The following IQGAP1 variants were observed in gnomAD, a reference collection of about 807,000 sequenced individuals.
IQGAP1 encodes ras GTPase-activating-like protein IQGAP1.
Under a neutral mutation model 215.6 loss-of-function variants are expected in IQGAP1, and 66 were observed. The ratio of observed to expected loss-of-function variants is 0.31; its 90% CI spans 0.25 to 0.38. IQGAP1 has a LOEUF of 0.38. Ranked by LOEUF, IQGAP1 falls within the 10% of genes least tolerant of loss-of-function variation. The pLI is 1.00. For missense variants in IQGAP1, 1,712 were observed against 1,997.1 expected, an observed-to-expected ratio of 0.86 and a Z score of 2.72; for synonymous variants, 772 against 728.7, an observed-to-expected ratio of 1.06 and a Z score of -0.96.
intron 15 of IQGAP1, among the ~76,000 whole-genome samples, chr15:90,457,455 C>G (rs561984625): frequency 1.3e-5 from 2 of 151,202 alleles, no homozygotes; most frequent in Non-Finnish European, 2.9e-5. Context: ...GAGACGGAGT[C>G]TTGCTCTGTC....
rs1425364390 is a variant in IQGAP1, at chr15:90,500,516, AATAC to A, written c.*414_*417del. On this transcript the variant is annotated 3_prime_UTR_variant, in exon 38 of 38. Coordinates refer to ENST00000268182, the MANE Select transcript of IQGAP1 (RefSeq NM_003870.4). Reference sequence around the variant, plus strand: ...GGAAGCTATTAGCACCAATGACATAAATACATACAAGACACACAACTAAAATGTC... The same window carrying A: ...GGAAGCTATTAGCACCAATGACATAAATACAAGACACACAACTAAAATGTC... The A allele has an allele frequency of 6.3e-6, 1 of 158,432 alleles. No homozygotes were observed. The highest frequency in any genetic ancestry group is 1.4e-5 in the Non-Finnish European group (1 of 71,538). 9.8% of individuals were successfully genotyped at this position (158,432 alleles called of 1,614,324 possible).
intron 36 of IQGAP1, chr15:90,496,993 T>C: frequency 2.9e-6 from 1 of 339,370 alleles, no homozygotes; most frequent in Non-Finnish European, 5.4e-6. Flanking sequence ...TGGTTCCTCT[T>C]TGATAGGATG....
chr15:90,400,622 C>A (rs966881654), intron 2 of IQGAP1, among the ~76,000 whole-genome samples: 3 of 152,172 alleles, frequency 2.0e-5, no homozygotes, highest in Admixed American at 1.3e-4. Context: ...GGATTGTCCA[C>A]CAGTCAAGGT....
chr15:90,438,675 G>A (rs1442469548), intron 5 of IQGAP1, among the ~76,000 whole-genome samples: 3 of 151,874 alleles, frequency 2.0e-5, no homozygotes, highest in Non-Finnish European at 2.9e-5. Flanking sequence ...ATTGATTACA[G>A]GAAGGCAAAC....
At chr15:90,474,951 A>C in intron 23 of IQGAP1, 1 of 431,836 alleles carries the variant, frequency 2.3e-6, no homozygotes, top group Non-Finnish European at 4.2e-6. Flanking sequence ...CTGGGATTAC[A>C]GGCACGTGAC....
intron 2 of IQGAP1, among the ~76,000 whole-genome samples, chr15:90,417,726 G>A: frequency 6.6e-6 from 1 of 152,322 alleles, no homozygotes; most frequent in Admixed American, 6.5e-5. Context: ...GAACTTTAAA[G>A]TAGTTTTTTC....
Position 90,497,227 on chromosome 15 carries a change from A to G in IQGAP1, c.4752-5A>G, listed in dbSNP as rs769252276. ...CCATACCCTTACGATGTTATCTTTCAACAGGTTTAAAAATGTTATATTTGA... is the reference window on the plus strand; with the variant it reads ...CCATACCCTTACGATGTTATCTTTCGACAGGTTTAAAAATGTTATATTTGA... On this transcript the variant is annotated splice_region_variant and splice_polypyrimidine_tract_variant and intron_variant, in intron 36 of 37. Coordinates refer to ENST00000268182, the MANE Select transcript of IQGAP1 (RefSeq NM_003870.4). 10 of 1,477,806 alleles carry G rather than the reference A, an allele frequency of 6.8e-6. No homozygotes were observed. The highest frequency in any genetic ancestry group is 1.2e-5 in the South Asian group (1 of 86,844). 91.5% of individuals were successfully genotyped at this position (1,477,806 alleles called of 1,614,324 possible). A position where few individuals can be genotyped will look rare whatever the true frequency, so the allele number is the denominator to read the frequency against.
In IQGAP1 at chr15:90,396,117, A is replaced by G. The variant is rs1017544670; in HGVS notation, c.155+5244A>G. On this transcript the variant is annotated intron_variant, in intron 2 of 37. Transcript: ENST00000268182. ...ACTTTCTGTAATTTAGAGGAATTGA[A>G]AAGGTATCTTGGAAAGAAATTAGTT... is the stretch of plus-strand genomic sequence containing the variant. Among the ~76,000 whole-genome samples, 5 of 152,202 alleles carry G rather than the reference A, an allele frequency of 3.3e-5. No individual in the cohort carries two copies. The East Asian group carries it at 5.8e-4, about 18-fold the overall frequency.
rs371026931 is a variant in IQGAP1 at position 90,454,907 on chromosome 15, G to A, written c.1612+355G>A. ...TCACTTCAGACACAAGCTGAAAGCT[G>A]CAGGGTTCCCAGGCCACTGTACTTC... On this transcript the variant is annotated intron_variant, in intron 14 of 37. Transcript: ENST00000268182. 3.9e-4 allele frequency among the ~76,000 whole-genome samples: 59 copies of A among 152,332 alleles called. No individual in the cohort carries two copies. In the South Asian group the frequency reaches 0.012, roughly 30 times the overall value.
At chr15:90,431,028 AATC>A (rs1020160368) in intron 4 of IQGAP1, among the ~76,000 whole-genome samples, 42 of 148,158 alleles carry the variant, frequency 2.8e-4, no homozygotes, top group African/African-American at 1.0e-3. Context: ...TGTAATATAT[AATC>A]ATATATACAA....
intron 33 of IQGAP1, 66 bp from the exon 34 acceptor site, chr15:90,491,267 C>A: frequency 1.5e-6 from 2 of 1,323,170 alleles, no homozygotes; most frequent in Admixed American, 1.8e-5. Context: ...TGCAAATGTG[C>A]TATATAAATT....
In IQGAP1 at chr15:90,466,366, A is replaced by T. The variant is rs200821516; in HGVS notation, c.1965A>T (p.Gly655=). Reference sequence around the variant, plus strand: ...GCTCCCCTGATGTTGGCTTGTATGGAGTCATCCCTGAGTGTGGTGAAACTT... The same window carrying T: ...GCTCCCCTGATGTTGGCTTGTATGGTGTCATCCCTGAGTGTGGTGAAACTT... ...ALRSPDVGLY[G]VIPECGETYH... is the part of the protein sequence containing the mutation. Residue 655 remains glycine (G), a synonymous_variant, in exon 17 of 38, where the codon GGA becomes GGT. Coordinates refer to ENST00000268182, the MANE Select transcript of IQGAP1 (RefSeq NM_003870.4). 2 of 1,614,142 alleles carry T rather than the reference A, an allele frequency of 1.2e-6. No homozygotes were observed. The highest frequency in any genetic ancestry group is 4.5e-5 in the East Asian group (2 of 44,886).
At chr15:90,437,053 G>T (rs1020452736) in intron 5 of IQGAP1, among the ~76,000 whole-genome samples, 1 of 151,346 alleles carries the variant, frequency 6.6e-6, no homozygotes, top group African/African-American at 2.5e-5. Context: ...CTGGCTTAAG[G>T]TTCCACAGCC....
intron 28 of IQGAP1, 58 bp downstream of exon 28, chr15:90,482,339 G>A: frequency 2.0e-6 from 3 of 1,524,798 alleles, no homozygotes; most frequent in Admixed American, 3.3e-5. Flanking sequence ...ATAAAACCAG[G>A]GCTGACCATA....
At chr15:90,464,860 A>C (rs1355395728) in intron 15 of IQGAP1, among the ~76,000 whole-genome samples, 4 of 152,008 alleles carry the variant, frequency 2.6e-5, no homozygotes, top group Admixed American at 2.0e-4. Context: ...TCAAAAAAAA[A>C]AAAAATTGGA....
At position 90,463,238 on chromosome 15, in the gene IQGAP1, A is replaced by C. The variant is rs376503236; in HGVS notation, c.1777-2763A>C. Among the ~76,000 whole-genome samples, 8 of 152,174 alleles carry C rather than the reference A, an allele frequency of 5.3e-5. No individual in the cohort carries two copies. The East Asian group carries it at 1.2e-3, about 22-fold the overall frequency. ...TATGAAAGGTTTTACTTTAATCTGC[A>C]TGGGGCAGGGAAGAAAGAATTCTGA... On this transcript the variant is annotated intron_variant, in intron 15 of 37. Coordinates refer to ENST00000268182, the MANE Select transcript of IQGAP1 (RefSeq NM_003870.4).
At chr15:90,390,249 G>T (rs985344991) in intron 1 of IQGAP1, among the ~76,000 whole-genome samples, 3 of 152,210 alleles carry the variant, frequency 2.0e-5, no homozygotes, top group Non-Finnish European at 4.4e-5. Flanking sequence ...GACTCTCCAG[G>T]TTTGGATTCA....
At chr15:90,398,256 G>A (rs554183106) in intron 2 of IQGAP1, among the ~76,000 whole-genome samples, 1 of 152,158 alleles carries the variant, frequency 6.6e-6, no homozygotes, top group African/African-American at 2.4e-5. Flanking sequence ...AATTTTCTGG[G>A]CACTTTCAAG....
intron 33 of IQGAP1, 49 bp from the exon 34 acceptor site, chr15:90,491,284 T>C: frequency 1.3e-6 from 2 of 1,490,912 alleles, no homozygotes; most frequent in African/African-American, 1.4e-5. Flanking sequence ...AATTCAAGTT[T>C]AGGATTAGTG....
Sources: allele counts gnomAD v4.1 joint callset (sites outside exome capture counted in the v4.1 genomes callset), GRCh38; gene constraint gnomAD v4.1.1; transcripts MANE v1.5; gene names NCBI Gene and HGNC (gene_info 2026-07-23, HGNC 2026-07-21).